The following RYR2 variants were observed in gnomAD, a reference collection of about 807,000 sequenced individuals.
RYR2 encodes cardiac muscle ryanodine receptor-calcium release channel.
RYR2 carries 227 observed loss-of-function variants against 601.1 expected under a neutral mutation model. That is an observed-to-expected ratio of 0.38 (90% CI 0.34 to 0.42). The LOEUF is 0.42. Ranked by LOEUF, RYR2 falls within the 10% of genes least tolerant of loss-of-function variation. The pLI is 1.00. For synonymous variants in RYR2, 2,223 were observed against 2,175.1 expected, an observed-to-expected ratio of 1.02 and a Z score of -0.61; for missense variants, 4,646 against 6,156.5, an observed-to-expected ratio of 0.75 and a Z score of 8.21.
chr1:237,471,566 G>A (rs1019710376), intron 17 of RYR2, among the ~76,000 whole-genome samples: 1 of 152,168 alleles, frequency 6.6e-6, no homozygotes, highest in East Asian at 1.9e-4. Context: ...TAGGTGCAGG[G>A]CAGCCTCAGA....
At chr1:237,202,655 A>G (rs758845339) in intron 1 of RYR2, among the ~76,000 whole-genome samples, 3 of 152,186 alleles carry the variant, frequency 2.0e-5, no homozygotes, top group Non-Finnish European at 4.4e-5. Context: ...TGATCAACCC[A>G]CATCGGCCTT....
At chr1:237,338,420 C>G (rs1441036295) in intron 3 of RYR2, among the ~76,000 whole-genome samples, 1 of 152,122 alleles carries the variant, frequency 6.6e-6, no homozygotes, top group East Asian at 1.9e-4. Context: ...AGTATATTTT[C>G]ATATTGCATG....
chr1:237,116,653 C>A (rs1331208675), intron 1 of RYR2, among the ~76,000 whole-genome samples: 1 of 151,886 alleles, frequency 6.6e-6, no homozygotes, highest in Admixed American at 6.6e-5. Flanking sequence ...AGCTGGAGAC[C>A]CAGGAAGGCT....
rs536868014 is a variant in RYR2 at position 237,636,544 on chromosome 1, G to A, written c.6792+1552G>A. On this transcript the variant is annotated intron_variant, in intron 44 of 104. Transcript: ENST00000366574. ...AATACCAAATGCTGAGAAGGACAAGGAGCAGCTAGAACTCTCTTCTACTTC... is the reference window on the plus strand; with the variant it reads ...AATACCAAATGCTGAGAAGGACAAGAAGCAGCTAGAACTCTCTTCTACTTC... 2.6e-5 allele frequency among the ~76,000 whole-genome samples: 4 copies of A among 152,318 alleles called. No individual in the cohort carries two copies. In the South Asian group the frequency reaches 8.3e-4, roughly 32 times the overall value.
intron 2 of RYR2, among the ~76,000 whole-genome samples, chr1:237,310,884 T>A (rs1366650255): frequency 6.6e-6 from 1 of 152,242 alleles, no homozygotes; most frequent in Non-Finnish European, 1.5e-5. Context: ...CACATCACCA[T>A]AATTTGTTGT....
chr1:237,660,493 T>G (rs950475994), intron 55 of RYR2, among the ~76,000 whole-genome samples: 16 of 152,270 alleles, frequency 1.1e-4, no homozygotes, highest in South Asian at 4.2e-4. Context: ...GGATTTCACT[T>G]CATTGTGAGT....
intron 66 of RYR2, among the ~76,000 whole-genome samples, chr1:237,704,309 G>T (rs753111925): frequency 1.1e-4 from 17 of 151,970 alleles, no homozygotes; most frequent in Non-Finnish European, 2.2e-4. Flanking sequence ...TATTTCTCTT[G>T]GGTATTATGT....
At chr1:237,207,352 G>A (rs557448771) in intron 1 of RYR2, among the ~76,000 whole-genome samples, 1 of 152,304 alleles carries the variant, frequency 6.6e-6, no homozygotes, top group East Asian at 1.9e-4. Flanking sequence ...GATCACTTGA[G>A]GGCAGGAGTT....
At chr1:237,815,697 C>T (rs930821010) in intron 100 of RYR2, among the ~76,000 whole-genome samples, 2 of 152,104 alleles carry the variant, frequency 1.3e-5, no homozygotes, top group Non-Finnish European at 2.9e-5. Flanking sequence ...AAGAAGGAGA[C>T]ATTTTCTTTG....
At chr1:237,597,321 T>C (rs529611425) in intron 34 of RYR2, among the ~76,000 whole-genome samples, 1 of 151,492 alleles carries the variant, frequency 6.6e-6, no homozygotes, top group South Asian at 2.1e-4. Context: ...GACAGAGTCT[T>C]GCTCTGTTGC....
intron 82 of RYR2, among the ~76,000 whole-genome samples, chr1:237,758,738 A>G (rs1238354410): frequency 6.6e-6 from 1 of 152,234 alleles, no homozygotes; most frequent in Admixed American, 6.5e-5. Context: ...GTAGAGAAGC[A>G]GTATTCTTAT....
intron 2 of RYR2, among the ~76,000 whole-genome samples, chr1:237,323,257 T>C (rs747860131): frequency 6.6e-6 from 1 of 152,136 alleles, no homozygotes; most frequent in Non-Finnish European, 1.5e-5. Flanking sequence ...GGAACCTACA[T>C]CAGAGGAACC....
intron 82 of RYR2, among the ~76,000 whole-genome samples, chr1:237,758,914 C>A (rs1693179001): frequency 6.6e-6 from 1 of 152,062 alleles, no homozygotes; most frequent in Non-Finnish European, 1.5e-5. Flanking sequence ...GTATGTTTAA[C>A]CAAAATTTTG....
At chr1:237,303,982 AT>A (rs568141230) in intron 2 of RYR2, among the ~76,000 whole-genome samples, 17 of 152,144 alleles carry the variant, frequency 1.1e-4, no homozygotes, top group African/African-American at 4.1e-4. Context: ...GGTGTAAGAG[AT>A]TTGTGTCTCA....
At chr1:237,197,749 C>A (rs888140980) in intron 1 of RYR2, among the ~76,000 whole-genome samples, 2 of 152,182 alleles carry the variant, frequency 1.3e-5, no homozygotes, top group African/African-American at 2.4e-5. Context: ...AGGTAGTGAA[C>A]AGCTACAGTG....
chr1:237,644,521 T>C (rs957923931), intron 48 of RYR2, among the ~76,000 whole-genome samples: 3 of 152,172 alleles, frequency 2.0e-5, no homozygotes, highest in Non-Finnish European at 4.4e-5. Context: ...CATGAGGCAC[T>C]GCTCCTAGCC....
At chr1:237,063,133 T>G (rs1260611736) in intron 1 of RYR2, among the ~76,000 whole-genome samples, 8 of 152,090 alleles carry the variant, frequency 5.3e-5, no homozygotes. Flanking sequence ...AGAGCTCTCT[T>G]GCTCTACCAT....
chr1:237,623,541 G>A (rs1166205398), intron 38 of RYR2, among the ~76,000 whole-genome samples: 1 of 151,388 alleles, frequency 6.6e-6, no homozygotes, highest in Non-Finnish European at 1.5e-5. Context: ...CTACAGGCAT[G>A]CACCACCACA....
intron 91 of RYR2, among the ~76,000 whole-genome samples, chr1:237,786,466 T>C (rs150350955): frequency 9.8e-4 from 150 of 152,348 alleles, no homozygotes; most frequent in African/African-American, 3.5e-3. Flanking sequence ...CCTTAAACCA[T>C]AGACCCAGGA....
Sources: gnomAD v4.1 joint callset for allele counts (sites outside exome capture counted in the v4.1 genomes callset) on GRCh38, gnomAD v4.1.1 for gene constraint, MANE v1.5 for transcripts, NCBI Gene and HGNC (gene_info 2026-07-23, HGNC 2026-07-21) for gene names.